VAV3: variants seen among roughly 807,000 people sequenced by gnomAD.
The protein encoded by VAV3 is vav guanine nucleotide exchange factor 3.
In VAV3, 94 loss-of-function variants were observed where a neutral mutation model predicts 131.2. The ratio of observed to expected loss-of-function variants is 0.72; its 90% confidence interval spans 0.61 to 0.85. VAV3 has a LOEUF of 0.85. VAV3 is among the 40% of genes least tolerant of loss of function. The pLI is 0.00. For synonymous variants in VAV3, 349 were observed against 342.0 expected (o/e 1.02, Z -0.22); for missense variants, 939 against 1,002.7 (o/e 0.94, Z 0.86).
intron 20 of VAV3, among the ~76,000 whole-genome samples, chr1:107,622,464 T>C (rs1229315851): frequency 6.6e-6 from 1 of 152,314 alleles, no homozygotes; most frequent in East Asian, 1.9e-4. Context: ...CTCCTAACTC[T>C]GTAAAAAGGA....
chr1:107,637,500 G>A (rs1269111757), intron 20 of VAV3, among the ~76,000 whole-genome samples: 1 of 152,094 alleles, frequency 6.6e-6, no homozygotes, highest in African/African-American at 2.4e-5. Flanking sequence ...ACGTTCACCT[G>A]TAATCCCAGC....
chr1:107,767,218 A>G (rs1664780780), intron 7 of VAV3, among the ~76,000 whole-genome samples: 1 of 152,220 alleles, frequency 6.6e-6, no homozygotes, highest in Non-Finnish European at 1.5e-5. Context: ...AGTTTACCAG[A>G]GCAACTCAAA....
intron 8 of VAV3, among the ~76,000 whole-genome samples, chr1:107,766,074 T>C (rs1420238819): frequency 6.6e-6 from 1 of 152,172 alleles, no homozygotes; most frequent in African/African-American, 2.4e-5. Context: ...AAGCATTAAG[T>C]ACCAGCTAAT....
chr1:107,915,525 T>C (rs910881582), intron 1 of VAV3, among the ~76,000 whole-genome samples: 2 of 152,186 alleles, frequency 1.3e-5, no homozygotes, highest in Non-Finnish European at 2.9e-5. Context: ...ACTTGATCTG[T>C]TCCTCGATGT....
rs1286566361 is a variant in VAV3, at chr1:107,768,463, T to C, written c.695A>G (p.Asp232Gly). ...LKRFLTAAEF[D>G]SVFINIPELV... ...CACAGGAATGTTGATGAATACTGAA[T>C]CAAATTCTGCTGCTGTCAGAAATCT... Residue 232 changes from aspartate to glycine, a missense_variant, in exon 7 of 27, where the codon GAT (aspartate) becomes GGT (glycine). By Grantham distance (94) the Asp-to-Gly change is moderately conservative (BLOSUM62 -1). Transcript: ENST00000370056. The C allele has an allele frequency of 1.2e-6, 2 of 1,612,382 alleles. No individual in the cohort carries two copies. Among genetic ancestry groups the C allele is most frequent in the Non-Finnish European group, 1.7e-6 (2 of 1,179,302 alleles).
chr1:107,616,850 G>A (rs957395113), intron 21 of VAV3, among the ~76,000 whole-genome samples: 11 of 152,018 alleles, frequency 7.2e-5, no homozygotes, highest in Non-Finnish European at 1.3e-4. Flanking sequence ...CATCTCCATC[G>A]TATTAGTAAA....
At chr1:107,847,071 T>C (rs1306949553) in intron 2 of VAV3, among the ~76,000 whole-genome samples, 1 of 151,984 alleles carries the variant, frequency 6.6e-6, no homozygotes, top group Non-Finnish European at 1.5e-5. Context: ...TAAAAAACAG[T>C]CTCTCAGACC....
At chr1:107,715,432 A>G (rs1661037493) in intron 15 of VAV3, among the ~76,000 whole-genome samples, 1 of 152,210 alleles carries the variant, frequency 6.6e-6, no homozygotes, top group African/African-American at 2.4e-5. Context: ...GTATTACTAT[A>G]TCCTGAATAA....
intron 25 of VAV3, among the ~76,000 whole-genome samples, chr1:107,595,421 C>T (rs930360463): frequency 6.2e-4 from 39 of 63,064 alleles, no homozygotes; most frequent in Non-Finnish European, 1.2e-4. Context: ...TCTAGATATC[C>T]CAGTGTTGCT....
At chr1:107,599,900 G>A (rs1651710146) in intron 24 of VAV3, among the ~76,000 whole-genome samples, 1 of 149,514 alleles carries the variant, frequency 6.7e-6, no homozygotes, top group South Asian at 2.1e-4. Context: ...ACTTATAATA[G>A]ACAAGTGTGT....
At chr1:107,894,039 C>A (rs1205728658) in intron 1 of VAV3, among the ~76,000 whole-genome samples, 1 of 152,158 alleles carries the variant, frequency 6.6e-6, no homozygotes, top group African/African-American at 2.4e-5. Flanking sequence ...CCAGTCAAAG[C>A]ACACACAGAA....
chr1:107,741,693 T>C (rs1358289616), intron 15 of VAV3, among the ~76,000 whole-genome samples: 1 of 152,034 alleles, frequency 6.6e-6, no homozygotes, highest in Non-Finnish European at 1.5e-5. Flanking sequence ...ATCAAGAACA[T>C]GGACAGAGAG....
chr1:107,841,907 T>C (rs1462601892), intron 2 of VAV3, among the ~76,000 whole-genome samples: 2 of 152,280 alleles, frequency 1.3e-5, no homozygotes, highest in East Asian at 3.9e-4. Flanking sequence ...TTAAATAAAA[T>C]GTATTATTAA....
rs922078005 is a variant in VAV3, at chr1:107,775,503, A to G, written c.446+1728T>C. 1.5e-4 allele frequency among the ~76,000 whole-genome samples: 20 copies of G among 137,824 alleles called. 1 individual carries two copies. In the Admixed American group the frequency reaches 1.5e-3, roughly 11 times the overall value. The allele number at this position is 137,824 out of a possible 152,430, so 90.4% of individuals were successfully genotyped here. ...TGAGGCAGGAGAATCACTTGAACCC[A>G]GGAGGTGGAGGTTGCAGTGAGCTGA... is the stretch of plus-strand genomic sequence containing the variant. On this transcript the variant is annotated intron_variant, in intron 4 of 26. Transcript: ENST00000370056.
At chr1:107,865,607 C>A (rs1005330340) in intron 2 of VAV3, among the ~76,000 whole-genome samples, 1 of 152,052 alleles carries the variant, frequency 6.6e-6, no homozygotes, top group Non-Finnish European at 1.5e-5. Flanking sequence ...TAGGCAGAGG[C>A]CTGATCATGA....
intron 2 of VAV3, among the ~76,000 whole-genome samples, chr1:107,831,400 A>C (rs1361921978): frequency 6.6e-6 from 1 of 152,200 alleles, no homozygotes; most frequent in Non-Finnish European, 1.5e-5. Context: ...GAAATGCAAA[A>C]TGAGCAAAGA....
intron 15 of VAV3, among the ~76,000 whole-genome samples, chr1:107,712,592 G>T (rs1170863311): frequency 6.6e-6 from 1 of 152,206 alleles, no homozygotes; most frequent in Non-Finnish European, 1.5e-5. Flanking sequence ...TAAAAGTCTT[G>T]AAGGGGACCG....
chr1:107,715,714 A>G (rs1383348656), intron 15 of VAV3, among the ~76,000 whole-genome samples: 1 of 152,190 alleles, frequency 6.6e-6, no homozygotes, highest in Non-Finnish European at 1.5e-5. Flanking sequence ...GAGGTCTCAA[A>G]GTTCTGTTTT....
chr1:107,784,160 T>C (rs1279738473), intron 2 of VAV3, among the ~76,000 whole-genome samples: 1 of 152,144 alleles, frequency 6.6e-6, no homozygotes, highest in Non-Finnish European at 1.5e-5. Flanking sequence ...CTCTCCTCTC[T>C]CTTCTGCCTA....
Sources: allele counts gnomAD v4.1 joint callset (sites outside exome capture counted in the v4.1 genomes callset), GRCh38; gene constraint gnomAD v4.1.1; transcripts MANE v1.5; gene names NCBI Gene and HGNC (gene_info 2026-07-23, HGNC 2026-07-21).